The following SEM1 variants were observed in gnomAD, a reference collection of about 807,000 sequenced individuals.
SEM1 encodes the protein 26S proteasome complex subunit SEM1.
In SEM1, 3 loss-of-function variants were observed where a neutral mutation model predicts 12.7. The observed-to-expected ratio is 0.24, with a 90% CI of 0.11 to 0.61. SEM1 has a LOEUF of 0.61. Among genes scored for constraint, SEM1 ranks in the 20% least tolerant of loss-of-function variants. SEM1 has a pLI of 0.88. For synonymous variants in SEM1, 30 were observed against 27.8 expected (o/e 1.08, Z -0.25); for missense variants, 59 against 81.3 (o/e 0.73, Z 1.06).
At chr7:96,650,684 GCACACA>G (rs60189978) in intron 2 of SEM1, among the ~76,000 whole-genome samples, 1 of 150,716 alleles carries the variant, frequency 6.6e-6, no homozygotes, top group Non-Finnish European at 1.5e-5. Context: ...ACAGATGCGC[GCACACA>G]CACACACACA....
chr7:96,576,615 GAACAATAAATACAT>G (rs1444838526), intron 2 of SEM1, among the ~76,000 whole-genome samples: 1 of 151,830 alleles, frequency 6.6e-6, no homozygotes, highest in East Asian at 1.9e-4. Flanking sequence ...CTTCTACTAT[GAACAATAAATACAT>G]ATTTATTGTT....
rs549795045 is a variant in SEM1 at position 96,501,588 on chromosome 7, A to C, written c.*60+5035T>G. ...AACCATCCAAATGTGGTGGACTTCA[A>C]CCTGTCATTGAGCACACTGAACTAT... On this transcript the variant is annotated intron_variant and NMD_transcript_variant, in intron 3 of 3. Coordinates refer to the SEM1 transcript ENST00000466986. Among the ~76,000 whole-genome samples, 271 of 152,296 alleles carry C rather than the reference A, an allele frequency of 1.8e-3. 1 individual carries two copies. The highest frequency in any genetic ancestry group is 3.4e-3 in the Non-Finnish European group (230 of 68,022).
intron 2 of SEM1, among the ~76,000 whole-genome samples, chr7:96,662,659 A>T (rs372383924): frequency 6.6e-6 from 1 of 152,206 alleles, no homozygotes; most frequent in African/African-American, 2.4e-5. Flanking sequence ...CACATTCTGC[A>T]CATGTATCCC....
chr7:96,680,936 T>C (rs1789592480), intron 2 of SEM1, among the ~76,000 whole-genome samples: 1 of 151,962 alleles, frequency 6.6e-6, no homozygotes, highest in South Asian at 2.1e-4. Flanking sequence ...TGGAGAGCAA[T>C]TTTTAGGAGG....
At chr7:96,589,263 G>T (rs1554659) in intron 2 of SEM1, among the ~76,000 whole-genome samples, 128,306 of 152,028 alleles carry the variant, frequency 0.84, 56,035 homozygotes, top group Non-Finnish European at 0.97. Flanking sequence ...AGTGGCGCCT[G>T]CTACCAGGCC....
At chr7:96,600,133 A>AT (rs1807153480) in intron 2 of SEM1, among the ~76,000 whole-genome samples, 2 of 151,394 alleles carry the variant, frequency 1.3e-5, no homozygotes, top group African/African-American at 4.8e-5. Context: ...ATTTGCCTTT[A>AT]TTTTAATCAG....
intron 2 of SEM1, among the ~76,000 whole-genome samples, chr7:96,623,435 T>C (rs1164882076): frequency 6.8e-6 from 1 of 147,946 alleles, no homozygotes; most frequent in Admixed American, 6.8e-5. Flanking sequence ...TCTCTCTCTA[T>C]ATATTTAAAT....
rs1267810414 is a variant in SEM1 at position 96,570,630 on chromosome 7, T to C, written c.171-63932A>G. 2.6e-5 allele frequency among the ~76,000 whole-genome samples: 4 copies of C among 152,316 alleles called. No individual in the cohort carries two copies. The Middle Eastern group carries it at 0.01, about 389-fold the overall frequency. On this transcript the variant is annotated intron_variant and NMD_transcript_variant, in intron 2 of 3. Transcript: ENST00000466986. ...TTGGGTTGGTTCCAAGTCTTTGCTATTGTGAACAGTGCCGCGATAAACGAT... is the reference window on the plus strand; with the variant it reads ...TTGGGTTGGTTCCAAGTCTTTGCTACTGTGAACAGTGCCGCGATAAACGAT...
intron 2 of SEM1, among the ~76,000 whole-genome samples, chr7:96,540,878 C>A (rs1804925906): frequency 6.6e-6 from 1 of 151,830 alleles, no homozygotes. Flanking sequence ...AGGATAATGG[C>A]CTCCAGGTGC....
At chr7:96,508,176 G>A (rs1272032501) in intron 2 of SEM1, among the ~76,000 whole-genome samples, 1 of 152,012 alleles carries the variant, frequency 6.6e-6, no homozygotes, top group Non-Finnish European at 1.5e-5. Flanking sequence ...ACAAGATTAG[G>A]AACAAGAGAA....
intron 2 of SEM1, among the ~76,000 whole-genome samples, chr7:96,512,389 T>C (rs4427101): frequency 0.72 from 108,950 of 151,940 alleles, 39,513 homozygotes; most frequent in East Asian, 0.87. Flanking sequence ...GATTAGCAAG[T>C]ACACACGAAC....
At chr7:96,518,844 T>C (rs370915747) in intron 2 of SEM1, among the ~76,000 whole-genome samples, 8 of 152,314 alleles carry the variant, frequency 5.3e-5, no homozygotes, top group Non-Finnish European at 1.0e-4. Context: ...GCTAATACTG[T>C]ACATGCAATG....
At chr7:96,618,867 C>T (rs925086773), downstream of SEM1, among the ~76,000 whole-genome samples, 5 of 152,134 alleles carry the variant, frequency 3.3e-5, no homozygotes, top group African/African-American at 1.2e-4. Flanking sequence ...GGGAGGATCA[C>T]TTGAGCCCAG....
downstream of SEM1, among the ~76,000 whole-genome samples, chr7:96,685,979 T>C (rs1483657594): frequency 5.9e-5 from 9 of 152,160 alleles, no homozygotes; most frequent in African/African-American, 2.2e-4. Context: ...ACTCATGCAC[T>C]TTCCAAAATA....
chr7:96,552,079 G>A (rs11762707), intron 2 of SEM1, among the ~76,000 whole-genome samples: 93,307 of 152,050 alleles, frequency 0.61, 29,388 homozygotes, highest in Non-Finnish European at 0.69. Context: ...TGTCATGTTC[G>A]TCATTAGTGG....
chr7:96,630,582 C>T (rs1010205261), intron 2 of SEM1, among the ~76,000 whole-genome samples: 1 of 152,190 alleles, frequency 6.6e-6, no homozygotes, highest in African/African-American at 2.4e-5. Context: ...AGAGCCAACT[C>T]CTGGAATTGG....
chr7:96,490,278 A>G (rs907354158), intron 1 of SEM1, among the ~76,000 whole-genome samples: 6 of 152,322 alleles, frequency 3.9e-5, no homozygotes, highest in Admixed American at 1.3e-4. Context: ...ATGACTATTC[A>G]ACTCTAAATT....
At chr7:96,626,938 T>G (rs1808090135) in intron 2 of SEM1, among the ~76,000 whole-genome samples, 1 of 152,082 alleles carries the variant, frequency 6.6e-6, no homozygotes, top group Non-Finnish European at 1.5e-5. Context: ...ACTGACAGAG[T>G]TTTTATTACA....
intron 1 of SEM1, among the ~76,000 whole-genome samples, chr7:96,701,589 A>G (rs1485586235): frequency 6.6e-6 from 1 of 152,202 alleles, no homozygotes; most frequent in African/African-American, 2.4e-5. Context: ...CCATTACAAT[A>G]ATGTAATTCT....
Sources: gnomAD v4.1 joint callset for allele counts (sites outside exome capture counted in the v4.1 genomes callset) on GRCh38, gnomAD v4.1.1 for gene constraint, MANE v1.5 for transcripts, NCBI Gene and HGNC (gene_info 2026-07-23, HGNC 2026-07-21) for gene names.